The following KANK1 variants were observed in gnomAD, a reference collection of about 807,000 sequenced individuals.
The protein encoded by KANK1 is KN motif and ankyrin repeat domains 1.
KANK1 carries 109 observed loss-of-function variants against 106.2 expected under a neutral mutation model. That is an observed-to-expected ratio of 1.03 (90% confidence interval 0.88 to 1.20). The LOEUF is 1.20. Ranked by LOEUF, KANK1 falls within the 50% of genes most tolerant of loss-of-function variation. The pLI is 0.00. For synonymous variants in KANK1, 873 were observed against 652.2 expected (o/e 1.34, Z -5.16); for missense variants, 2,399 against 1,710.7 (o/e 1.40, Z -7.10).
chr9:556,015 C>G (rs541997398), intron 1 of KANK1, among the ~76,000 whole-genome samples: 3 of 152,280 alleles, frequency 2.0e-5, no homozygotes, highest in Non-Finnish European at 2.9e-5. Context: ...TTTAATCATA[C>G]TATAAAATAC....
At chr9:557,178 G>A (rs542700906) in intron 1 of KANK1, among the ~76,000 whole-genome samples, 10 of 127,252 alleles carry the variant, frequency 7.9e-5, no homozygotes, top group South Asian at 3.0e-4. Context: ...GCAAGACCAT[G>A]TCTCAAAAGG....
chr9:691,440 T>A (rs1413181787), intron 2 of KANK1, among the ~76,000 whole-genome samples: 2 of 150,684 alleles, frequency 1.3e-5, no homozygotes, highest in Admixed American at 6.6e-5. Context: ...TTATTTTTTT[T>A]AATAGAGACA....
chr9:705,606 G>T (rs1388193176), intron 2 of KANK1, among the ~76,000 whole-genome samples: 1 of 151,500 alleles, frequency 6.6e-6, no homozygotes, highest in Admixed American at 6.6e-5. Context: ...TTTTGGGGGG[G>T]TGGGGGCGGA....
chr9:685,346 G>C (rs1030262509), intron 2 of KANK1, among the ~76,000 whole-genome samples: 2 of 152,252 alleles, frequency 1.3e-5, no homozygotes, highest in South Asian at 4.1e-4. Flanking sequence ...TCTTACCCTA[G>C]TTAAAGCAAG....
At chr9:617,158 T>C (rs1832043721) in intron 1 of KANK1, among the ~76,000 whole-genome samples, 1 of 152,136 alleles carries the variant, frequency 6.6e-6, no homozygotes, top group Admixed American at 6.5e-5. Context: ...TAATAAAATA[T>C]AATAAAGAGT....
At chr9:634,971 T>A (rs959051763) in intron 1 of KANK1, among the ~76,000 whole-genome samples, 1 of 152,216 alleles carries the variant, frequency 6.6e-6, no homozygotes, top group Non-Finnish European at 1.5e-5. Flanking sequence ...CAGGGCATCT[T>A]GTGGCTCTTG....
At position 734,839 on chromosome 9, in the gene KANK1, A is replaced by C. The variant is rs7047725; in HGVS notation, c.3333+4A>C. 2.6e-3 allele frequency: 4,118 copies of C among 1,606,816 alleles called. 94 individuals are homozygous for C. The African/African-American group carries it at 0.05, about 19-fold the overall frequency. ...AGCTTTGACCAGCAAAGATATGGTG[A>C]GTCTGACCTGCAAACACCATCCCCA... On this transcript the variant is annotated splice_donor_region_variant and intron_variant, in intron 7 of 11. Transcript: ENST00000382297.
At chr9:571,256 G>A (rs984741562) in intron 1 of KANK1, among the ~76,000 whole-genome samples, 14 of 152,176 alleles carry the variant, frequency 9.2e-5, no homozygotes, top group African/African-American at 1.7e-4. Flanking sequence ...AGAAATACTC[G>A]ATACAGTTAT....
chr9:695,462 C>T (rs1228335188), intron 2 of KANK1, among the ~76,000 whole-genome samples: 1 of 64,756 alleles, frequency 1.5e-5, no homozygotes, highest in African/African-American at 4.9e-5. Context: ...CCAAGCAGTG[C>T]GTGTGCACAC....
chr9:724,195 G>A (rs1268813533), intron 3 of KANK1, among the ~76,000 whole-genome samples: 2 of 152,054 alleles, frequency 1.3e-5, no homozygotes, highest in Non-Finnish European at 2.9e-5. Context: ...TAGCCTCAAT[G>A]GTTTGCATTT....
At chr9:558,367 G>A (rs1815430194) in intron 1 of KANK1, among the ~76,000 whole-genome samples, 1 of 152,228 alleles carries the variant, frequency 6.6e-6, no homozygotes, top group African/African-American at 2.4e-5. Context: ...CTGAGCCATT[G>A]CTCCTAGGGG....
intron 2 of KANK1, among the ~76,000 whole-genome samples, chr9:692,847 A>G (rs7867295): frequency 0.74 from 111,913 of 151,840 alleles, 41,683 homozygotes; most frequent in Middle Eastern, 0.83. Flanking sequence ...AGACCCCATC[A>G]CTACAAGAAA....
intron 1 of KANK1, among the ~76,000 whole-genome samples, chr9:532,147 C>T (rs2060084959): frequency 1.3e-5 from 2 of 152,012 alleles, no homozygotes; most frequent in Non-Finnish European, 2.9e-5. Flanking sequence ...GGGACTTGGG[C>T]CCCACTTAGG....
At chr9:697,000 A>G (rs1425208134) in intron 2 of KANK1, among the ~76,000 whole-genome samples, 1 of 152,186 alleles carries the variant, frequency 6.6e-6, no homozygotes, top group Non-Finnish European at 1.5e-5. Flanking sequence ...TTAATCGTAC[A>G]TAAAAAGAGC....
chr9:681,360 G>A lies in KANK1; in HGVS notation c.37+4351G>A, dbSNP rs532332838. Among the ~76,000 whole-genome samples, 38 of 152,316 alleles carry A rather than the reference G, an allele frequency of 2.5e-4. 2 individuals are homozygous for A. In the South Asian group the frequency reaches 7.5e-3, roughly 30 times the overall value. On this transcript the variant is annotated intron_variant, in intron 2 of 11. Transcript: ENST00000382297. Reference sequence around the variant, plus strand: ...GGAAGTAAATGGTGATTGTTGGTTAGGAAAATAGCTGTGTTTCTTTGGGGT... The same window carrying A: ...GGAAGTAAATGGTGATTGTTGGTTAAGAAAATAGCTGTGTTTCTTTGGGGT...
intron 6 of KANK1, 160 bp downstream of exon 6, chr9:732,777 T>C: frequency 5.4e-6 from 4 of 742,314 alleles, no homozygotes; most frequent in Admixed American, 3.0e-5. Flanking sequence ...GTGCAGAGTA[T>C]TACAACTCTT....
chr9:629,239 T>C (rs1372787350), intron 1 of KANK1, among the ~76,000 whole-genome samples: 1 of 152,106 alleles, frequency 6.6e-6, no homozygotes, highest in South Asian at 2.1e-4. Context: ...TTCAGCACTT[T>C]TTAGCACCAG....
intron 1 of KANK1, among the ~76,000 whole-genome samples, chr9:643,919 T>G (rs902506859): frequency 6.6e-6 from 1 of 150,842 alleles, no homozygotes; most frequent in Non-Finnish European, 1.5e-5. Flanking sequence ...CCCAGGCTGG[T>G]CTCGAACTCC....
intron 1 of KANK1, among the ~76,000 whole-genome samples, chr9:648,696 G>C (rs867178862): frequency 1.1e-4 from 17 of 152,268 alleles, no homozygotes; most frequent in African/African-American, 3.6e-4. Flanking sequence ...TCACGTCTTT[G>C]AGCTTCAATT....
Sources: allele counts gnomAD v4.1 joint callset (sites outside exome capture counted in the v4.1 genomes callset), GRCh38; gene constraint gnomAD v4.1.1; transcripts MANE v1.5; gene names NCBI Gene and HGNC (gene_info 2026-07-23, HGNC 2026-07-21).